Variants in KCNIP4 observed in about 807,000 individuals in gnomAD.
KCNIP4 encodes Kv channel-interacting protein 4.
In KCNIP4, 12 loss-of-function variants were observed where a neutral mutation model predicts 34.0. That is an observed-to-expected ratio of 0.35 (90% confidence interval 0.23 to 0.57). The LOEUF (loss-of-function observed/expected upper bound fraction) is 0.57. Ranked by LOEUF, KCNIP4 falls within the 20% of genes least tolerant of loss-of-function variation. The probability of loss-of-function intolerance (pLI) is 0.83; values close to 1 mark genes in which losing one functional copy is unlikely to be tolerated. For missense variants in KCNIP4, 238 were observed against 311.7 expected, an observed-to-expected ratio of 0.76 and a Z score of 1.78; for synonymous variants, 124 against 102.2, an observed-to-expected ratio of 1.21 and a Z score of -1.29.
rs904985037 is a variant in KCNIP4, at chr4:20,749,144, C to T, written c.429+518G>A. 3.3e-5 allele frequency among the ~76,000 whole-genome samples: 4 copies of T among 121,426 alleles called. No homozygotes were observed. In the East Asian group the frequency reaches 6.4e-4, roughly 20 times the overall value. The allele number at this position is 121,426 out of a possible 152,430, so 79.7% of individuals were successfully genotyped here. A position where few individuals can be genotyped will look rare whatever the true frequency, so the allele number is the denominator to read the frequency against. ...CTGCACTCCAGCCTTTATGACAGAGCGAGACTCTTTCAAAAAAAAAAAAAA... is the reference window on the plus strand; with the variant it reads ...CTGCACTCCAGCCTTTATGACAGAGTGAGACTCTTTCAAAAAAAAAAAAAA... On this transcript the variant is annotated intron_variant, in intron 5 of 8. Transcript: ENST00000382152.
rs1712742225 is a variant in KCNIP4, at chr4:21,700,476, T to G, written c.61+248095A>C. The stretch of plus-strand genomic sequence containing the variant: ...TTGAGCTATTTGAGTTTCTTACATA[T>G]TTTGGATATTACCCCTTATCAGATG... On this transcript the variant is annotated intron_variant, in intron 1 of 8. Coordinates refer to ENST00000382152, the MANE Select transcript of KCNIP4 (RefSeq NM_025221.6). Among the ~76,000 whole-genome samples the G allele has an allele frequency of 2.0e-5, 3 of 152,190 alleles. No homozygotes were observed. The South Asian group carries it at 6.2e-4, about 31-fold the overall frequency.
chr4:21,006,941 T>C (rs1404006064), intron 1 of KCNIP4, among the ~76,000 whole-genome samples: 3 of 152,170 alleles, frequency 2.0e-5, no homozygotes, highest in African/African-American at 7.2e-5. Flanking sequence ...CTCTCTGTTC[T>C]TGAGGACAAA....
At chr4:21,238,333 C>T (rs1759533413) in intron 1 of KCNIP4, among the ~76,000 whole-genome samples, 1 of 152,086 alleles carries the variant, frequency 6.6e-6, no homozygotes, top group South Asian at 2.1e-4. Context: ...ACAGGGATGC[C>T]CTCTCTCACC....
chr4:20,739,311 A>G (rs1470005185), intron 5 of KCNIP4, among the ~76,000 whole-genome samples: 3 of 152,236 alleles, frequency 2.0e-5, no homozygotes, highest in Non-Finnish European at 4.4e-5. Flanking sequence ...CCCGAGTAGC[A>G]TAACTGGGAA....
intron 1 of KCNIP4, among the ~76,000 whole-genome samples, chr4:21,250,782 A>C (rs1387353094): frequency 2.6e-5 from 4 of 151,998 alleles, no homozygotes; most frequent in African/African-American, 7.2e-5. Context: ...AGGTACTTAA[A>C]GCGAGGATGG....
chr4:21,547,003 C>T (rs751994462), intron 1 of KCNIP4, among the ~76,000 whole-genome samples: 12 of 152,118 alleles, frequency 7.9e-5, no homozygotes, highest in African/African-American at 1.7e-4. Context: ...CTTTCTACCA[C>T]GGAAAAAAAT....
chr4:21,572,815 T>C (rs960273888), intron 1 of KCNIP4, among the ~76,000 whole-genome samples: 2 of 152,014 alleles, frequency 1.3e-5, no homozygotes, highest in East Asian at 1.9e-4. Context: ...TTAGTGAAGA[T>C]GGGGTTTCTC....
intron 1 of KCNIP4, among the ~76,000 whole-genome samples, chr4:21,360,523 T>A (rs1431001086): frequency 6.6e-6 from 1 of 152,066 alleles, no homozygotes; most frequent in Non-Finnish European, 1.5e-5. Flanking sequence ...TAATTGTCTT[T>A]TTTGTCCAGG....
intron 3 of KCNIP4, among the ~76,000 whole-genome samples, chr4:20,774,979 G>A (rs529954681): frequency 6.6e-6 from 1 of 152,200 alleles, no homozygotes; most frequent in African/African-American, 2.4e-5. Context: ...AATCCCAATC[G>A]CATTCTAAAC....
chr4:21,229,783 C>G (rs975264071), intron 1 of KCNIP4, among the ~76,000 whole-genome samples: 1 of 152,092 alleles, frequency 6.6e-6, no homozygotes, highest in Non-Finnish European at 1.5e-5. Context: ...GATTGCTATT[C>G]TATTTGATTT....
intron 3 of KCNIP4, among the ~76,000 whole-genome samples, chr4:20,781,660 A>G (rs531702284): frequency 1.2e-4 from 19 of 152,310 alleles, no homozygotes; most frequent in East Asian, 7.7e-4. Flanking sequence ...AAACCACCCC[A>G]TGATTCAAAT....
rs141871937 is a variant in KCNIP4, at chr4:21,689,445, A to G, written c.61+259126T>C. Among the ~76,000 whole-genome samples the G allele has an allele frequency of 2.4e-3, 358 of 152,148 alleles. 1 individual carries two copies. The highest frequency in any genetic ancestry group is 8.3e-3 in the African/African-American group (344 of 41,484). On this transcript the variant is annotated intron_variant, in intron 1 of 8. Coordinates refer to ENST00000382152, the MANE Select transcript of KCNIP4 (RefSeq NM_025221.6). Reference sequence around the variant, plus strand: ...ATGACCCAGCTTAGAGGGGTCATCTAATTGGTCTTCCCAATTGTGAGGTTA... The same window carrying G: ...ATGACCCAGCTTAGAGGGGTCATCTGATTGGTCTTCCCAATTGTGAGGTTA...
chr4:21,947,230 C>T (rs1730558169), intron 1 of KCNIP4, among the ~76,000 whole-genome samples: 1 of 152,226 alleles, frequency 6.6e-6, no homozygotes, highest in South Asian at 2.1e-4. Context: ...CTACATTAAA[C>T]ACGCCACTCA....
intron 1 of KCNIP4, among the ~76,000 whole-genome samples, chr4:21,484,770 C>G (rs1731769037): frequency 6.6e-6 from 1 of 152,156 alleles, no homozygotes; most frequent in Non-Finnish European, 1.5e-5. Flanking sequence ...TCTTTCTTCT[C>G]CAATGGCCCA....
chr4:21,662,866 T>C (rs1476023127), intron 1 of KCNIP4, among the ~76,000 whole-genome samples: 1 of 152,222 alleles, frequency 6.6e-6, no homozygotes, highest in Admixed American at 6.5e-5. Context: ...ACTGAAACAG[T>C]GTTTCTAATA....
At chr4:21,622,802 T>A (rs1745079426) in intron 1 of KCNIP4, among the ~76,000 whole-genome samples, 1 of 152,162 alleles carries the variant, frequency 6.6e-6, no homozygotes, top group African/African-American at 2.4e-5. Context: ...ATTTTACAAA[T>A]AGAAACTTTC....
intron 1 of KCNIP4, among the ~76,000 whole-genome samples, chr4:21,345,780 A>G (rs1176334809): frequency 1.6e-4 from 25 of 151,962 alleles, no homozygotes; most frequent in Admixed American, 1.6e-3. Flanking sequence ...GCTAACAACC[A>G]TCTCCTTAAA....
In KCNIP4 at chr4:21,419,794, A is replaced by G. The variant is rs1449376429; in HGVS notation, c.61+528777T>C. ...TCCAAGGAGAGAAGGAATGTGTAGA[A>G]GAGATTTAGGAAAGAATATTATGAG... On this transcript the variant is annotated intron_variant, in intron 1 of 8. Transcript: ENST00000382152. Among the ~76,000 whole-genome samples the G allele has an allele frequency of 3.3e-5, 5 of 152,154 alleles. No homozygotes were observed. The East Asian group carries it at 9.6e-4, about 29-fold the overall frequency.
intron 1 of KCNIP4, among the ~76,000 whole-genome samples, chr4:21,878,339 G>A (rs969397261): frequency 6.6e-6 from 1 of 152,162 alleles, no homozygotes; most frequent in African/African-American, 2.4e-5. Flanking sequence ...ACCTCCCAAA[G>A]TGCTGGGATT....
Sources: allele counts gnomAD v4.1 joint callset (sites outside exome capture counted in the v4.1 genomes callset), GRCh38; gene constraint gnomAD v4.1.1; transcripts MANE v1.5; gene names NCBI Gene and HGNC (gene_info 2026-07-23, HGNC 2026-07-21).